The following PTPRZ1 variants were observed in gnomAD, a reference collection of about 807,000 sequenced individuals.
PTPRZ1 encodes protein tyrosine phosphatase receptor type Z1.
A neutral mutation model predicts 214.1 loss-of-function variants in PTPRZ1; 82 were observed. The ratio of observed to expected loss-of-function variants is 0.38; its 90% CI spans 0.32 to 0.46. The LOEUF (loss-of-function observed/expected upper bound fraction) is 0.46. Ranked by LOEUF, PTPRZ1 falls within the 20% of genes least tolerant of loss-of-function variation. PTPRZ1 has a pLI of 1.00. For missense variants in PTPRZ1, 2,603 were observed against 2,748.7 expected (o/e 0.95, Z 1.19); for synonymous variants, 945 against 987.9 (o/e 0.96, Z 0.81).
intron 27 of PTPRZ1, among the ~76,000 whole-genome samples, chr7:122,057,765 A>C (rs762044948): frequency 1.3e-5 from 2 of 151,522 alleles, no homozygotes; most frequent in Non-Finnish European, 3.0e-5. Flanking sequence ...TATCTTAAAA[A>C]AATACCTTTT....
At chr7:122,039,286 C>T (rs1295445924) in intron 19 of PTPRZ1, among the ~76,000 whole-genome samples, 168 bp from the exon 20 acceptor site, 1 of 152,146 alleles carries the variant, frequency 6.6e-6, no homozygotes, top group East Asian at 1.9e-4. Flanking sequence ...AGATTCTATC[C>T]CTAGCCTCCT....
Position 121,976,223 on chromosome 7 carries a change from A to C in PTPRZ1, c.507A>C (p.Ala169=). The change falls in exon 5 of 30, where the codon GCA becomes GCC. Residue 169 remains alanine, a synonymous_variant. Coordinates refer to ENST00000393386, the MANE Select transcript of PTPRZ1 (RefSeq NM_002851.3). ...DADRFSSFEE[A]VKGKGKLRAL... The stretch of plus-strand genomic sequence containing the variant: ...ACCGATTTTCAAGTTTTGAGGAAGC[A>C]GTCAAAGGAAAAGGGAAGTTAAGAG... 1 of 1,609,344 alleles carries C rather than the reference A, an allele frequency of 6.2e-7. No homozygotes were observed. Among genetic ancestry groups the C allele is most frequent in the Non-Finnish European group, 8.5e-7 (1 of 1,177,022 alleles).
chr7:122,031,597 A>G (rs761201379), intron 15 of PTPRZ1, 38 bp downstream of exon 15: 159 of 1,407,254 alleles, frequency 1.1e-4, no homozygotes, highest in Non-Finnish European at 1.5e-4. Context: ...TAATATAGAA[A>G]ATAGTAAAAT....
chr7:121,972,825 T>C (rs1326600591), intron 4 of PTPRZ1, 133 bp downstream of exon 4: 6 of 746,512 alleles, frequency 8.0e-6, no homozygotes, highest in Non-Finnish European at 9.6e-6. Flanking sequence ...TTGATTAATA[T>C]ACTAGACTAA....
chr7:122,026,679 C>G (rs1799215144), intron 13 of PTPRZ1, among the ~76,000 whole-genome samples: 1 of 152,174 alleles, frequency 6.6e-6, no homozygotes, highest in Non-Finnish European at 1.5e-5. Context: ...CTTATTCGAC[C>G]TGCTCTCTCT....
chr7:121,935,482 A>G (rs546404203), intron 2 of PTPRZ1, among the ~76,000 whole-genome samples: 3 of 149,678 alleles, frequency 2.0e-5, no homozygotes, highest in East Asian at 2.0e-4. Context: ...CTTTACTTCA[A>G]TCTCTGTGGT....
rs202150823 is a variant in PTPRZ1, at chr7:121,972,528, T to C, written c.305-13T>C. The C allele has an allele frequency of 1.3e-6, 2 of 1,585,036 alleles. No individual in the cohort carries two copies. The highest frequency in any genetic ancestry group is 4.5e-5 in the East Asian group (2 of 44,368). On this transcript the variant is annotated splice_polypyrimidine_tract_variant and intron_variant, in intron 3 of 29. Transcript: ENST00000393386. ...TTTCAGAAGCTTAGGTGCAATTGTA[T>C]TTCTTTTTTTAGTGGAAATTAATCT...
At chr7:122,053,601 G>T (rs1165804935) in intron 25 of PTPRZ1, among the ~76,000 whole-genome samples, 1 of 152,008 alleles carries the variant, frequency 6.6e-6, no homozygotes, top group Non-Finnish European at 1.5e-5. Context: ...ACTTCTTAAG[G>T]CAAACTTGGG....
rs757941062 is a variant in PTPRZ1 at position 122,034,358 on chromosome 7, G to A, written c.5264G>A (p.Arg1755Gln). The A allele has an allele frequency of 8.7e-6, 14 of 1,612,816 alleles. No individual in the cohort carries two copies. The highest frequency in any genetic ancestry group is 2.2e-5 in the East Asian group (1 of 44,850). ...SNHPDNKHKNRYINIVAYDHS... is the reference protein window; with the variant it reads ...SNHPDNKHKNQYINIVAYDHS... The stretch of plus-strand genomic sequence containing the variant: ...CACCCAGACAACAAGCACAAGAATC[G>A]ATACATAAATATCGTTGCCTGTAAG... Residue 1755 changes from arginine (R) to glutamine (Q), a missense_variant, in exon 17 of 30, where the codon CGA becomes CAA. Physicochemically the swap from Arg to Gln is conservative, Grantham distance 43. Transcript: ENST00000393386.
chr7:122,012,159 A>G lies in PTPRZ1; in HGVS notation c.3113A>G (p.Asn1038Ser), dbSNP rs1798688827. The G allele has an allele frequency of 1.2e-6, 2 of 1,613,996 alleles. No homozygotes were observed. The highest frequency in any genetic ancestry group is 8.5e-7 in the Non-Finnish European group (1 of 1,179,876). ...TYTTSVFGDD[N>S]KALSKSEIIY... ...ACAACATCTGTGTTTGGTGATGATA[A>G]TAAGGCGCTTTCTAAAAGTGAAATA... is the stretch of plus-strand genomic sequence containing the variant. The change falls in exon 12 of 30, where the codon AAT becomes AGT. Residue 1038 changes from asparagine to serine, a missense_variant. By Grantham distance (46) the Asn-to-Ser change is conservative. Around this residue, in one of 6 missense-constraint regions of PTPRZ1, gnomAD observed 1,913 missense variants for 1,914.3 expected, o/e 1.00. Coordinates refer to ENST00000393386, the MANE Select transcript of PTPRZ1 (RefSeq NM_002851.3).
intron 1 of PTPRZ1, among the ~76,000 whole-genome samples, chr7:121,892,700 A>ATATATATATG (rs1189755503): frequency 1.3e-5 from 1 of 78,636 alleles, no homozygotes; most frequent in African/African-American, 4.9e-5. Context: ...ATATATATAT[A>ATATATATATG]TATATATATA....
intron 8 of PTPRZ1, among the ~76,000 whole-genome samples, chr7:121,985,820 A>G (rs1797750063): frequency 6.6e-6 from 1 of 152,350 alleles, no homozygotes; most frequent in African/African-American, 2.4e-5. Flanking sequence ...CAGACTTCAT[A>G]GCAGTTACCA....
intron 1 of PTPRZ1, among the ~76,000 whole-genome samples, chr7:121,905,866 A>G (rs746468650): frequency 4.6e-5 from 7 of 152,132 alleles, no homozygotes. Flanking sequence ...GTTTTGCTCA[A>G]TCACCCTGTT....
intron 1 of PTPRZ1, among the ~76,000 whole-genome samples, chr7:121,876,786 T>C (rs560831949): frequency 1.7e-3 from 254 of 152,344 alleles, no homozygotes; most frequent in Non-Finnish European, 2.7e-3. Context: ...AATCATTTCA[T>C]TGATGAATTC....
In PTPRZ1 at chr7:122,010,843, C is replaced by G; in HGVS notation, c.1797C>G (p.Ile599Met). 1.9e-6 allele frequency: 3 copies of G among 1,614,134 alleles called. No homozygotes were observed. The highest frequency in any genetic ancestry group is 2.5e-6 in the Non-Finnish European group (3 of 1,180,004). ...SSPATSAIPF[I>M]SENISQGYIF... ...CCGCAACTTCTGCTATCCCATTCAT[C>G]TCTGAGAACATATCCCAAGGGTATA... The change falls in exon 12 of 30, where the codon ATC (isoleucine) becomes ATG (methionine). Residue 599 changes from isoleucine to methionine, a missense_variant. This residue lies in a region of PTPRZ1 where 1,913 missense variants were observed against 1,914.3 expected (regional missense o/e 1.00). Transcript: ENST00000393386.
At chr7:122,044,602 A>G in intron 23 of PTPRZ1, 34 bp downstream of exon 23, 1 of 1,603,968 alleles carries the variant, frequency 6.2e-7, no homozygotes, top group Non-Finnish European at 8.5e-7. Context: ...GGATGTCACT[A>G]CAGAACTGAA....
intron 27 of PTPRZ1, among the ~76,000 whole-genome samples, chr7:122,057,645 CTTT>C (rs5887066): frequency 7.8e-6 from 1 of 128,168 alleles, no homozygotes; most frequent in Non-Finnish European, 1.7e-5. Context: ...CTTTGTGATT[CTTT>C]TTTTTTTTTT....
At chr7:122,019,868 A>C (rs1271917460) in intron 13 of PTPRZ1, among the ~76,000 whole-genome samples, 1 of 152,184 alleles carries the variant, frequency 6.6e-6, no homozygotes, top group African/African-American at 2.4e-5. Context: ...GACAAGAATA[A>C]TTGTACCCAT....
intron 1 of PTPRZ1, among the ~76,000 whole-genome samples, chr7:121,883,602 G>C (rs551257126): frequency 6.6e-6 from 1 of 152,332 alleles, no homozygotes; most frequent in South Asian, 2.1e-4. Context: ...CTCAGAATTT[G>C]TTTAAAAATT....
Sources: allele counts gnomAD v4.1 joint callset (sites outside exome capture counted in the v4.1 genomes callset), GRCh38; gene constraint gnomAD v4.1.1; regional missense constraint gnomAD v4.1.1; transcripts MANE v1.5; gene names NCBI Gene and HGNC (gene_info 2026-07-23, HGNC 2026-07-21).